SRGAP2: variants seen among roughly 807,000 people sequenced by gnomAD.
SRGAP2 encodes SLIT-ROBO Rho GTPase-activating protein 2.
Under a neutral mutation model 57.2 loss-of-function variants are expected in SRGAP2, and 15 were observed. That is an observed-to-expected ratio of 0.26 (90% confidence interval 0.18 to 0.40). SRGAP2 has a LOEUF of 0.40. Ranked by LOEUF, SRGAP2 falls within the 10% of genes least tolerant of loss-of-function variation. The pLI, the probability that SRGAP2 is intolerant of heterozygous loss-of-function variation, is 1.00. For missense variants in SRGAP2, 520 were observed against 669.6 expected (o/e 0.78, Z 2.47); for synonymous variants, 249 against 248.0 (o/e 1.00, Z -0.04).
chr1:206,276,648 C>T (rs1402322759), intron 2 of SRGAP2, among the ~76,000 whole-genome samples: 2 of 152,104 alleles, frequency 1.3e-5, no homozygotes, highest in African/African-American at 2.4e-5. Flanking sequence ...CCTCATCCTT[C>T]TGAAATTGCC....
intron 7 of SRGAP2, among the ~76,000 whole-genome samples, chr1:206,395,619 C>T (rs1213596921): frequency 8.6e-5 from 13 of 151,766 alleles, no homozygotes; most frequent in Non-Finnish European, 1.8e-4. Flanking sequence ...GTGCTGTCTG[C>T]CACACCACTG....
At chr1:206,363,455 C>T (rs1275783361) in intron 4 of SRGAP2, among the ~76,000 whole-genome samples, 1 of 152,124 alleles carries the variant, frequency 6.6e-6, no homozygotes, top group Non-Finnish European at 1.5e-5. Context: ...AAGCACAGTA[C>T]AATGATCAAA....
Position 206,446,256 on chromosome 1 carries a change from G to A in SRGAP2, c.2056G>A (p.Glu686Lys), listed in dbSNP as rs781816531. 1.8e-5 allele frequency: 14 copies of A among 780,822 alleles called. No individual in the cohort carries two copies. In the South Asian group the frequency reaches 1.9e-4, roughly 10 times the overall value. The allele number at this position is 780,822 out of a possible 1,614,324, so 48.4% of individuals were successfully genotyped here. A position where few individuals can be genotyped will look rare whatever the true frequency, so the allele number is the denominator to read the frequency against. ...ENIFPSPREL[E>K]GPVYSRGGSM... is the part of the protein sequence containing the mutation. ...CATCTTCCCAAGCCCCAGGGAGCTG[G>A]AGGGCCCTGTCTACAGCAGAGGAGG... is the stretch of plus-strand genomic sequence containing the variant. The change falls in exon 18 of 23, where the codon GAG becomes AAG. Residue 686 changes from glutamate to lysine, a missense_variant. Transcript: ENST00000573034.
At chr1:206,453,967 C>A in intron 20 of SRGAP2, 1 of 608,566 alleles carries the variant, frequency 1.6e-6, no homozygotes, top group Non-Finnish European at 2.9e-6. Context: ...TGAACTGGTC[C>A]CAGAGAGATC....
intron 13 of SRGAP2, among the ~76,000 whole-genome samples, chr1:206,427,636 C>CA (rs1558421641): frequency 6.6e-6 from 1 of 152,158 alleles, no homozygotes; most frequent in Non-Finnish European, 1.5e-5. Flanking sequence ...AATTCAGAGC[C>CA]AGGGGGGGGA....
At position 206,462,762 on chromosome 1, in the gene SRGAP2, C is replaced by T. The variant is rs1268781344; in HGVS notation, c.*1342C>T. The stretch of plus-strand genomic sequence containing the variant: ...AATTTGAATGCTGAATATTCTGGCT[C>T]TACTCTGGCCTTTTTTCTGGTTCCC... On this transcript the variant is annotated 3_prime_UTR_variant, in exon 23 of 23. Transcript: ENST00000573034. 1 of 152,198 alleles carries T rather than the reference C, an allele frequency of 6.6e-6. No individual in the cohort carries two copies. Among genetic ancestry groups the T allele is most frequent in the Non-Finnish European group, 1.5e-5 (1 of 68,042 alleles). 9.4% of individuals were successfully genotyped at this position (152,198 alleles called of 1,614,324 possible).
chr1:206,460,989 G>C (rs782615989), intron 22 of SRGAP2, 48 bp from the exon 23 acceptor site: 2 of 662,900 alleles, frequency 3.0e-6, no homozygotes, highest in East Asian at 5.0e-5. Context: ...GCTCCTTGGG[G>C]AATTCTCCCC....
At position 206,391,621 on chromosome 1, in the gene SRGAP2, A is replaced by G. The variant is rs1656969759; in HGVS notation, c.487-1068A>G. Reference sequence around the variant, plus strand: ...CTGTGTTACACACACACATGCACACACACACACACACACACACACATGCAC... The same window carrying G: ...CTGTGTTACACACACACATGCACACGCACACACACACACACACACATGCAC... On this transcript the variant is annotated intron_variant, in intron 5 of 22. Transcript: ENST00000573034. Among the ~76,000 whole-genome samples, 3 of 136,958 alleles carry G rather than the reference A, an allele frequency of 2.2e-5. No homozygotes were observed. In the East Asian group the frequency reaches 6.4e-4, roughly 29 times the overall value. The allele number at this position is 136,958 out of a possible 152,430, so 89.8% of individuals were successfully genotyped here.
At chr1:206,307,284 A>C (rs1672285803) in intron 3 of SRGAP2, among the ~76,000 whole-genome samples, 1 of 152,184 alleles carries the variant, frequency 6.6e-6, no homozygotes, top group Non-Finnish European at 1.5e-5. Flanking sequence ...GTGCACTCAC[A>C]AACCTTGAGC....
intron 2 of SRGAP2, among the ~76,000 whole-genome samples, chr1:206,255,179 T>G (rs1341146423): frequency 7.0e-6 from 1 of 142,246 alleles, no homozygotes; most frequent in South Asian, 2.5e-4. Context: ...TTTACTCTGC[T>G]GCTTCCTGGG....
chr1:206,214,845 A>G (rs1256252112), intron 2 of SRGAP2: 18 of 152,036 alleles, frequency 1.2e-4, no homozygotes, highest in African/African-American at 4.4e-4. Flanking sequence ...TTTCTGGTAA[A>G]GCCCAACGTT....
intron 3 of SRGAP2, among the ~76,000 whole-genome samples, chr1:206,332,471 C>T (rs1447160341): frequency 6.6e-6 from 1 of 151,350 alleles, no homozygotes; most frequent in Non-Finnish European, 1.5e-5. Flanking sequence ...TTGGTCTTTT[C>T]ACATAGTCCC....
At chr1:206,402,081 C>T (rs1258493988) in intron 8 of SRGAP2, among the ~76,000 whole-genome samples, 4 of 151,694 alleles carry the variant, frequency 2.6e-5, no homozygotes, top group African/African-American at 9.7e-5. Flanking sequence ...GGTGGGGCCA[C>T]ATCCTAGAGG....
chr1:206,429,134 A>T (rs1661070200), intron 13 of SRGAP2, among the ~76,000 whole-genome samples: 1 of 152,106 alleles, frequency 6.6e-6, no homozygotes, highest in Non-Finnish European at 1.5e-5. Context: ...TCCCCTCCCC[A>T]GTCTGTAGAA....
chr1:206,326,378 T>A (rs1673881034), intron 3 of SRGAP2, among the ~76,000 whole-genome samples: 1 of 151,658 alleles, frequency 6.6e-6, no homozygotes, highest in South Asian at 2.1e-4. Flanking sequence ...TGTGTCAACA[T>A]GCTTTCAGGC....
intron 2 of SRGAP2, among the ~76,000 whole-genome samples, chr1:206,229,968 C>G (rs1571622272): frequency 8.3e-6 from 1 of 121,114 alleles, no homozygotes; most frequent in Non-Finnish European, 1.7e-5. Context: ...ACACACACAC[C>G]TTACCTTATT....
At chr1:206,426,144 A>G (rs781904359) in intron 13 of SRGAP2, among the ~76,000 whole-genome samples, 1 of 152,072 alleles carries the variant, frequency 6.6e-6, no homozygotes, top group African/African-American at 2.4e-5. Context: ...TACCCTTCCC[A>G]GTCTCCAGAA....
intron 3 of SRGAP2, among the ~76,000 whole-genome samples, chr1:206,314,729 A>T (rs2102806709): frequency 6.6e-6 from 1 of 151,874 alleles, no homozygotes; most frequent in Non-Finnish European, 1.5e-5. Context: ...CATCTGTGAT[A>T]CTCAGATTAC....
intron 2 of SRGAP2, among the ~76,000 whole-genome samples, chr1:206,253,573 C>CTTTTTTTT (rs71264673): frequency 7.5e-4 from 76 of 101,664 alleles, no homozygotes; most frequent in Non-Finnish European, 1.0e-3. Flanking sequence ...TTCTTTCTTT[C>CTTTTTTTT]TTTTTTTTTT....
Sources: allele counts gnomAD v4.1 joint callset (sites outside exome capture counted in the v4.1 genomes callset), GRCh38; gene constraint gnomAD v4.1.1; transcripts MANE v1.5; gene names NCBI Gene and HGNC (gene_info 2026-07-23, HGNC 2026-07-21).